Variants in NBEAL1 observed in about 807,000 individuals in gnomAD.
The protein encoded by NBEAL1 is neurobeachin like 1, also known as neurobeachin-like protein 1.
Under a neutral mutation model 351.3 loss-of-function variants are expected in NBEAL1, and 273 were observed. The ratio of observed to expected loss-of-function variants is 0.78; its 90% CI spans 0.70 to 0.86. The LOEUF (loss-of-function observed/expected upper bound fraction) is 0.86, where lower values mean the gene tolerates loss of function less well. Among genes scored for constraint, NBEAL1 ranks in the 40% least tolerant of loss-of-function variants. NBEAL1 has a pLI of 0.00. For missense variants in NBEAL1, 2,961 were observed against 3,201.3 expected, an observed-to-expected ratio of 0.92 and a Z score of 1.81; for synonymous variants, 1,050 against 1,086.4, an observed-to-expected ratio of 0.97 and a Z score of 0.66.
intron 23 of NBEAL1, among the ~76,000 whole-genome samples, chr2:203,127,549 C>T (rs2062967350): frequency 6.6e-6 from 1 of 152,064 alleles, no homozygotes; most frequent in Admixed American, 6.5e-5. Flanking sequence ...TGGTGAAACC[C>T]CATCTCTACT....
At chr2:203,087,134 C>T (rs187079379) in intron 10 of NBEAL1, among the ~76,000 whole-genome samples, 2 of 143,180 alleles carry the variant, frequency 1.4e-5, no homozygotes, top group Admixed American at 7.2e-5. Flanking sequence ...TGCTCTGTCG[C>T]CCAGGCTAGA....
At chr2:203,168,414 C>T (rs6723485) in intron 38 of NBEAL1, among the ~76,000 whole-genome samples, 85 of 152,070 alleles carry the variant, frequency 5.6e-4, no homozygotes, top group African/African-American at 1.9e-3. Flanking sequence ...GGTGAAACAC[C>T]ATCTCTACTA....
intron 19 of NBEAL1, among the ~76,000 whole-genome samples, chr2:203,123,589 C>T (rs1376375481): frequency 6.6e-6 from 1 of 152,112 alleles, no homozygotes; most frequent in African/African-American, 2.4e-5. Context: ...CCACCTTGGC[C>T]TCTCAAAGTG....
chr2:203,044,163 T>C (rs144298463), intron 3 of NBEAL1, among the ~76,000 whole-genome samples: 264 of 152,244 alleles, frequency 1.7e-3, no homozygotes, highest in Non-Finnish European at 2.8e-3. Flanking sequence ...AGGATGTGAG[T>C]GTACTAAAAA....
chr2:203,021,820 T>G (rs2060776649), intron 2 of NBEAL1, among the ~76,000 whole-genome samples: 1 of 151,584 alleles, frequency 6.6e-6, no homozygotes, highest in Non-Finnish European at 1.5e-5. Flanking sequence ...GAGACCAAGG[T>G]GGGTGGATCA....
chr2:203,141,366 ATTTTTTTT>A (rs71034219), intron 31 of NBEAL1, among the ~76,000 whole-genome samples: 8 of 9,100 alleles, frequency 8.8e-4, no homozygotes, highest in Admixed American at 2.4e-3. Context: ...TATTATTATT[ATTTTTTTT>A]TTTTTTTTTT....
chr2:203,125,373 G>T lies in NBEAL1; in HGVS notation c.2704G>T (p.Gly902Trp). The change falls in exon 20 of 56, where the codon GGG becomes TGG. Residue 902 changes from glycine (G) to tryptophan (W), a missense_variant. Physicochemically the swap from Gly to Trp is radical, Grantham distance 184. Transcript: ENST00000683969. Reference protein sequence around the residue: ...DIKDIINCIGGLNVLFPLLEQ... With the variant: ...DIKDIINCIGWLNVLFPLLEQ... ...TTAGGATATCATAAACTGCATAGGT[G>T]GGTTAAATGTACTCTTTCCTTTATT... 1 of 1,535,364 alleles carries T rather than the reference G, an allele frequency of 6.5e-7. No homozygotes were observed. The highest frequency in any genetic ancestry group is 1.2e-5 in the South Asian group (1 of 80,094).
At chr2:203,038,133 A>G (rs1417392813) in intron 2 of NBEAL1, among the ~76,000 whole-genome samples, 1 of 149,430 alleles carries the variant, frequency 6.7e-6, no homozygotes, top group Non-Finnish European at 1.5e-5. Context: ...CGATTTGTTT[A>G]TCCGTTAACT....
chr2:203,051,026 A>ATTT (rs1236817575), intron 4 of NBEAL1, among the ~76,000 whole-genome samples: 75 of 152,316 alleles, frequency 4.9e-4, no homozygotes, highest in African/African-American at 1.7e-3. Context: ...TTTGTTTTAT[A>ATTT]AATATTTTAT....
At chr2:203,038,753 C>T (rs1208657265) in intron 2 of NBEAL1, among the ~76,000 whole-genome samples, 1 of 148,940 alleles carries the variant, frequency 6.7e-6, no homozygotes, top group East Asian at 1.9e-4. Flanking sequence ...TCACAGCTCA[C>T]CCCAGTCTTG....
intron 1 of NBEAL1, chr2:203,015,723 C>G (rs919901408): frequency 3.9e-5 from 6 of 152,842 alleles, no homozygotes; most frequent in African/African-American, 1.4e-4. Flanking sequence ...TTGGGCCTCC[C>G]AAAGTGCTGG....
rs2065908987 is a variant in NBEAL1, at chr2:203,217,423, C to G, written c.*69C>G. 2 of 1,424,116 alleles carry G rather than the reference C, an allele frequency of 1.4e-6. No homozygotes were observed. The highest frequency in any genetic ancestry group is 2.9e-5 in the African/African-American group (2 of 69,262). 88.2% of individuals were successfully genotyped at this position (1,424,116 alleles called of 1,614,324 possible). A position where few individuals can be genotyped will look rare whatever the true frequency, so the allele number is the denominator to read the frequency against. On this transcript the variant is annotated 3_prime_UTR_variant, in exon 56 of 56. Transcript: ENST00000683969. ...TTGCTTTGTCACTTTAACCACATCT[C>G]TCAACTCTCTGCAATGTTGCAAGGC...
chr2:203,177,743 G>A (rs1010626571), intron 42 of NBEAL1, among the ~76,000 whole-genome samples: 1 of 152,174 alleles, frequency 6.6e-6, no homozygotes, highest in Non-Finnish European at 1.5e-5. Context: ...GAGGGGCTGG[G>A]TGTGGTGGCT....
At chr2:203,202,581 T>C (rs2065430456) in intron 50 of NBEAL1, 106 bp from the exon 51 acceptor site, 2 of 704,526 alleles carry the variant, frequency 2.8e-6, no homozygotes, top group Non-Finnish European at 5.2e-6. Context: ...TCCTCCCTGT[T>C]GGCATAACTG....
intron 50 of NBEAL1, 74 bp downstream of exon 50, chr2:203,201,789 CT>C: frequency 8.1e-7 from 1 of 1,233,938 alleles, no homozygotes; most frequent in Non-Finnish European, 1.1e-6. Flanking sequence ...AGTACGTGCT[CT>C]TTGTAAAGAG....
chr2:203,085,504 T>G (rs1337288992), intron 10 of NBEAL1: 1 of 152,248 alleles, frequency 6.6e-6, no homozygotes, highest in Non-Finnish European at 1.5e-5. Flanking sequence ...TAATGACTAC[T>G]TTATAAATTA....
chr2:203,027,866 C>T (rs546281865), intron 2 of NBEAL1, among the ~76,000 whole-genome samples: 7 of 151,922 alleles, frequency 4.6e-5, no homozygotes, highest in African/African-American at 1.7e-4. Flanking sequence ...TGTGTGCCAC[C>T]ACACCTGGCT....
At chr2:203,100,720 G>T (rs1174956436) in intron 12 of NBEAL1, among the ~76,000 whole-genome samples, 1 of 151,736 alleles carries the variant, frequency 6.6e-6, no homozygotes, top group Admixed American at 6.6e-5. Context: ...GCTAATTTTT[G>T]TATTTTTAGT....
intron 55 of NBEAL1, among the ~76,000 whole-genome samples, chr2:203,216,650 A>C (rs763690462): frequency 3.3e-5 from 5 of 152,194 alleles, no homozygotes; most frequent in Non-Finnish European, 7.3e-5. Flanking sequence ...GAAATAATAC[A>C]TATTTTTGAT....
Sources: allele counts gnomAD v4.1 joint callset (sites outside exome capture counted in the v4.1 genomes callset), GRCh38; gene constraint gnomAD v4.1.1; transcripts MANE v1.5; gene names NCBI Gene and HGNC (gene_info 2026-07-23, HGNC 2026-07-21).